The following DNAH6 variants were observed in gnomAD, a reference collection of about 807,000 sequenced individuals.
DNAH6 encodes the protein dynein axonemal heavy chain 6.
A neutral mutation model predicts 491.4 loss-of-function variants in DNAH6; 340 were observed. The observed-to-expected ratio is 0.69, with a 90% confidence interval of 0.63 to 0.76. The LOEUF (loss-of-function observed/expected upper bound fraction) is 0.76. Among genes scored for constraint, DNAH6 ranks in the 30% least tolerant of loss-of-function variants. DNAH6 has a pLI of 0.00. For synonymous variants in DNAH6, 1,603 were observed against 1,686.1 expected, an observed-to-expected ratio of 0.95 and a Z score of 1.21; for missense variants, 4,443 against 4,972.2, an observed-to-expected ratio of 0.89 and a Z score of 3.20.
At chr2:84,800,317 A>T (rs1030011325) in intron 70 of DNAH6, among the ~76,000 whole-genome samples, 27 of 152,340 alleles carry the variant, frequency 1.8e-4, no homozygotes, top group African/African-American at 5.5e-4. Context: ...GATAAGAAGA[A>T]ATCAGCACAA....
the DNAH6 span, among the ~76,000 whole-genome samples, chr2:84,482,474 A>T: frequency 6.6e-6 from 1 of 152,240 alleles, no homozygotes; most frequent in Non-Finnish European, 1.5e-5. Flanking sequence ...ATTGAATAGC[A>T]TCACCTCATT....
chr2:84,753,755 T>TAAAAAAAAAAAA (rs1162541312), intron 63 of DNAH6, among the ~76,000 whole-genome samples: 17 of 77,128 alleles, frequency 2.2e-4, no homozygotes, highest in African/African-American at 9.1e-4. Context: ...GAAACTCTGT[T>TAAAAAAAAAAAA]AAAAAAAAAA....
intron 36 of DNAH6, 32 bp downstream of exon 36, chr2:84,658,506 A>G (rs1236408649): frequency 6.0e-6 from 8 of 1,339,644 alleles, no homozygotes; most frequent in Non-Finnish European, 7.8e-6. Flanking sequence ...CTATGAAGCT[A>G]GAAAAATTAG....
intron 43 of DNAH6, 22 bp from the exon 44 acceptor site, chr2:84,686,462 C>T (rs1307801355): frequency 2.2e-6 from 3 of 1,334,292 alleles, no homozygotes; most frequent in East Asian, 5.1e-5. Context: ...ATATTTAAAA[C>T]TTGGTTTTGT....
In DNAH6 at chr2:84,694,317, A is replaced by G. The variant is rs1695170809; in HGVS notation, c.7361A>G (p.Gln2454Arg). 1.3e-6 allele frequency: 2 copies of G among 1,552,268 alleles called. No homozygotes were observed. The highest frequency in any genetic ancestry group is 1.7e-6 in the Non-Finnish European group (2 of 1,147,042). The change falls in exon 46 of 77, where the codon CAG becomes CGG. Residue 2454 changes from glutamine to arginine, a missense_variant. Physicochemically the swap from Gln to Arg is conservative, Grantham distance 43. Transcript: ENST00000389394. ...GTTGGAGTAGGAGGCACAGGAAAGC[A>G]GTCACTCACGAGACTTGCAGCTCAT... ...LLVGVGGTGK[Q>R]SLTRLAAHIC...
intron 33 of DNAH6, 101 bp from the exon 34 acceptor site, chr2:84,653,218 A>G: frequency 9.9e-7 from 1 of 1,012,114 alleles, no homozygotes; most frequent in Admixed American, 2.9e-5. Context: ...AGAAAGATCA[A>G]TGAGAAACAA....
At chr2:84,710,234 A>T in intron 55 of DNAH6, 53 bp from the exon 56 acceptor site, 1 of 1,514,382 alleles carries the variant, frequency 6.6e-7, no homozygotes, top group Non-Finnish European at 8.8e-7. Flanking sequence ...TTCGCTTTCT[A>T]GCCATTTATT....
chr2:84,510,454 GTTAT>G, the DNAH6 span, among the ~76,000 whole-genome samples: 2 of 152,072 alleles, frequency 1.3e-5, no homozygotes, highest in African/African-American at 2.4e-5. Context: ...CTCTGCATTG[GTTAT>G]TTAGTTAGCC....
chr2:84,595,503 G>A (rs769847963), intron 17 of DNAH6, 143 bp from the exon 18 acceptor site: 5 of 710,896 alleles, frequency 7.0e-6, no homozygotes, highest in Non-Finnish European at 6.7e-6. Context: ...GATATATAAT[G>A]TTATTAGCAA....
chr2:84,496,301 G>A, the DNAH6 span, among the ~76,000 whole-genome samples: 1 of 152,002 alleles, frequency 6.6e-6, no homozygotes, highest in African/African-American at 2.4e-5. Context: ...AGTAGGATAT[G>A]GTCTTTATTT....
At position 84,814,620 on chromosome 2, in the gene DNAH6, G is replaced by A. The variant is rs76855102; in HGVS notation, c.12150+498G>A. On this transcript the variant is annotated intron_variant, in intron 75 of 76. Transcript: ENST00000389394. ...CAACACCCACATAAAAGCCCCCACC[G>A]GAGCTTTCCGGGACCAGCCTGCCCT... 4.3e-3 allele frequency among the ~76,000 whole-genome samples: 651 copies of A among 152,222 alleles called. 3 individuals carry two copies. The highest frequency in any genetic ancestry group is 0.014 in the African/African-American group (597 of 41,532).
chr2:84,582,195 G>A (rs1027832737), intron 14 of DNAH6, among the ~76,000 whole-genome samples: 1 of 152,168 alleles, frequency 6.6e-6, no homozygotes. Flanking sequence ...TTCTAAGTTT[G>A]CAGGAATATC....
At chr2:84,537,283 G>A (rs1053645209) in intron 4 of DNAH6, among the ~76,000 whole-genome samples, 3 of 152,054 alleles carry the variant, frequency 2.0e-5, no homozygotes, top group Admixed American at 2.0e-4. Context: ...CTTATGGGGA[G>A]TCATAGCTTT....
rs147786546 is a variant in DNAH6, at chr2:84,672,374, A to T, written c.6502A>T (p.Met2168Leu). 20,219 of 1,551,574 alleles carry T rather than the reference A, an allele frequency of 0.013. 174 individuals carry two copies. Among genetic ancestry groups the T allele is most frequent in the Non-Finnish European group, 0.015 (17,341 of 1,146,820 alleles). The change falls in exon 40 of 77, where the codon ATG becomes TTG. Residue 2168 changes from methionine (M) to leucine (L), a missense_variant. Transcript: ENST00000389394. Reference protein sequence around the residue: ...RIVIFVDDLNMPRLDRYGSQP... With the variant: ...RIVIFVDDLNLPRLDRYGSQP... ...TGTGATTTTTGTTGATGATTTAAAC[A>T]TGCCCAGACTGGATCGCTATGGCTC...
rs913142902 is a variant in DNAH6 at position 84,778,592 on chromosome 2, C to T, written c.10704-2901C>T. Among the ~76,000 whole-genome samples, 3 of 151,934 alleles carry T rather than the reference C, an allele frequency of 2.0e-5. No homozygotes were observed. The South Asian group carries it at 6.2e-4, about 32-fold the overall frequency. ...ATGGCTCACTGCAGCCTCAACCTCC[C>T]CAGGGTCAGGTGATCCTCCCTCCTG... On this transcript the variant is annotated intron_variant, in intron 64 of 76. Transcript: ENST00000389394.
chr2:84,520,194 A>G (rs1176940758), intron 2 of DNAH6, among the ~76,000 whole-genome samples: 1 of 152,148 alleles, frequency 6.6e-6, no homozygotes, highest in African/African-American at 2.4e-5. Context: ...ATTTAATTGT[A>G]TATTAATTTC....
rs28375417 is a variant in DNAH6, at chr2:84,653,321, G to C, written c.5081G>C (p.Gly1694Ala). The change falls in exon 34 of 77, where the codon GGA (glycine) becomes GCA (alanine). Residue 1694 changes from glycine to alanine, a missense_variant and splice_region_variant. Coordinates refer to ENST00000389394, the MANE Select transcript of DNAH6 (RefSeq NM_001370.2). ...TGATTTTATTTTTGTTTTGACAGTG[G>C]AATCATATCTGACCTTTTTCCTGGA... ...FLTDDALLFS[G>A]IISDLFPGVQ... is the part of the protein sequence containing the mutation. 0.13 allele frequency: 192,047 copies of C among 1,505,824 alleles called. 12,907 individuals carry two copies. Among genetic ancestry groups the C allele is most frequent in the Middle Eastern group, 0.2 (1,168 of 5,740 alleles). The allele number at this position is 1,505,824 out of a possible 1,614,324, so 93.3% of individuals were successfully genotyped here.
intron 41 of DNAH6, among the ~76,000 whole-genome samples, chr2:84,679,745 T>C (rs1203719927): frequency 6.6e-6 from 1 of 152,238 alleles, no homozygotes; most frequent in African/African-American, 2.4e-5. Context: ...TAGCCTTTAA[T>C]TCATTCATTA....
At chr2:84,598,295 T>C (rs1684879761) in intron 18 of DNAH6, among the ~76,000 whole-genome samples, 2 of 152,064 alleles carry the variant, frequency 1.3e-5, no homozygotes, top group African/African-American at 4.8e-5. Context: ...CCCAAAGTGC[T>C]GGAATCACAG....
Sources: gnomAD v4.1 joint callset for allele counts (sites outside exome capture counted in the v4.1 genomes callset) on GRCh38, gnomAD v4.1.1 for gene constraint, MANE v1.5 for transcripts, NCBI Gene and HGNC (gene_info 2026-07-23, HGNC 2026-07-21) for gene names.